TARBP2: variants seen among roughly 807,000 people sequenced by gnomAD.
TARBP2 encodes the protein RISC-loading complex subunit TARBP2.
TARBP2 carries 23 observed loss-of-function variants against 40.4 expected under a neutral mutation model. That is an observed-to-expected ratio of 0.57 (90% CI 0.41 to 0.81). The LOEUF is 0.81. Ranked by LOEUF, TARBP2 falls within the 30% of genes least tolerant of loss-of-function variation. The pLI, the probability that TARBP2 is intolerant of heterozygous loss-of-function variation, is 0.00. For synonymous variants in TARBP2, 183 were observed against 190.5 expected, an observed-to-expected ratio of 0.96 and a Z score of 0.32; for missense variants, 358 against 473.7, an observed-to-expected ratio of 0.76 and a Z score of 2.27.
chr12:53,502,362 C>T (rs1219353929), intron 2 of TARBP2, 178 bp downstream of exon 2: 4 of 806,586 alleles, frequency 5.0e-6, no homozygotes, highest in Non-Finnish European at 5.7e-6. Flanking sequence ...GTGGGTAGGA[C>T]GTGGGAGAGT....
rs766053638 is a variant in TARBP2, at chr12:53,506,166, T to G, written c.*18T>G. 6.2e-7 allele frequency: 1 copy of G among 1,611,892 alleles called. No homozygotes were observed. The highest frequency in any genetic ancestry group is 8.5e-7 in the Non-Finnish European group (1 of 1,179,110). On this transcript the variant is annotated 3_prime_UTR_variant, in exon 9 of 9. Coordinates refer to ENST00000266987, the MANE Select transcript of TARBP2 (RefSeq NM_134323.2). Reference sequence around the variant, plus strand: ...GCAAGTGAAGCCCCAGCTGGACTCATGGATGTGCACCCTTTGCTCCCTGCT... The same window carrying G: ...GCAAGTGAAGCCCCAGCTGGACTCAGGGATGTGCACCCTTTGCTCCCTGCT...
chr12:53,501,720 G>A (rs1336144588), intron 1 of TARBP2: 2 of 1,431,658 alleles, frequency 1.4e-6, no homozygotes, highest in African/African-American at 1.4e-5. Flanking sequence ...TGGGTACTGG[G>A]TTCCTGGCTT....
At chr12:53,504,588 C>A in intron 5 of TARBP2, 110 bp from the exon 6 acceptor site, 2 of 1,607,252 alleles carry the variant, frequency 1.2e-6, no homozygotes, top group Admixed American at 1.7e-5. Context: ...CTTTCCACCC[C>A]CCTCTCTCCT....
In TARBP2 at chr12:53,504,454, C is replaced by G; in HGVS notation, c.480C>G (p.Pro160=). 1 of 1,613,298 alleles carries G rather than the reference C, an allele frequency of 6.2e-7. No individual in the cohort carries two copies. Among genetic ancestry groups the G allele is most frequent in the Non-Finnish European group, 8.5e-7 (1 of 1,179,586 alleles). Residue 160 remains proline (P), a synonymous_variant, in exon 5 of 9, where the codon CCC becomes CCG. Transcript: ENST00000266987. ...CCCCTCAGCAGTCTGAGTGCAACCC[C>G]GTTGGTGCTCTGCAGGTGTGTCCCA... ...PVSPQQSECN[P]VGALQELVVQ...
chr12:53,504,974 T>TC (rs1943903719), intron 6 of TARBP2, among the ~76,000 whole-genome samples, 159 bp downstream of exon 6: 1 of 152,114 alleles, frequency 6.6e-6, no homozygotes, highest in African/African-American at 2.4e-5. Flanking sequence ...ACCCTATTTG[T>TC]CCCCTTCTCT....
At chr12:53,501,276 A>T (rs1943687458), upstream of TARBP2, 2 of 939,678 alleles carry the variant, frequency 2.1e-6, no homozygotes, top group African/African-American at 1.6e-5. Context: ...GGGGGACTCC[A>T]TATCCCAGCG....
chr12:53,505,039 T>A lies in TARBP2; in HGVS notation c.614-96T>A, dbSNP rs1943907415. 2.6e-6 allele frequency: 4 copies of A among 1,528,368 alleles called. No individual in the cohort carries two copies. In the South Asian group the frequency reaches 3.9e-5, roughly 15 times the overall value. The allele number at this position is 1,528,368 out of a possible 1,614,324, so 94.7% of individuals were successfully genotyped here. A position where few individuals can be genotyped will look rare whatever the true frequency, so the allele number is the denominator to read the frequency against. On this transcript the variant is annotated intron_variant, in intron 6 of 8. Transcript: ENST00000266987. This position sits in a 1 kb window ranked among gnomAD's most constrained non-coding sequence, Gnocchi z 4.5. ...CAGGTCTTGAGTTCCCCTTTCCAGT[T>A]GACATTCTGGGGGGACCCTCAATCC...
chr12:53,504,548 G>T, intron 5 of TARBP2, 79 bp downstream of exon 5: 1 of 1,602,914 alleles, frequency 6.2e-7, no homozygotes, highest in South Asian at 1.1e-5. Context: ...TGTGTGTTTG[G>T]GGGTGGGGGC....
intron 3 of TARBP2, 64 bp downstream of exon 3, chr12:53,503,193 C>G: frequency 1.3e-6 from 2 of 1,483,696 alleles, no homozygotes; most frequent in South Asian, 2.7e-5. Flanking sequence ...ACCACCCACT[C>G]TGCCCCGAGG....
chr12:53,505,009 A>C lies in TARBP2; in HGVS notation c.614-126A>C. The C allele has an allele frequency of 4.7e-6, 7 of 1,496,582 alleles. No homozygotes were observed. Among genetic ancestry groups the C allele is most frequent in the Non-Finnish European group, 6.3e-6 (7 of 1,107,140 alleles). The allele number at this position is 1,496,582 out of a possible 1,614,324, so 92.7% of individuals were successfully genotyped here. On this transcript the variant is annotated intron_variant, in intron 6 of 8. Coordinates refer to ENST00000266987, the MANE Select transcript of TARBP2 (RefSeq NM_134323.2). The surrounding 1 kb of genome is among the most constrained non-coding windows in gnomAD (Gnocchi z 4.5). ...TCTGGCTGACCAGGTTCTCACGTGCATGGGCAGGTCTTGAGTTCCCCTTTC... is the reference window on the plus strand; with the variant it reads ...TCTGGCTGACCAGGTTCTCACGTGCCTGGGCAGGTCTTGAGTTCCCCTTTC...
rs1374613908 is a variant in TARBP2, at chr12:53,505,965, C to G, written c.944-26C>G. On this transcript the variant is annotated intron_variant, in intron 8 of 8. Transcript: ENST00000266987. This position sits in a 1 kb window ranked among gnomAD's most constrained non-coding sequence, Gnocchi z 4.5. ...CCCAGGGCTACCTCCCCCAACATTGCCTCCCTCCTCTCTCTTGCTCTCCAG... is the reference window on the plus strand; with the variant it reads ...CCCAGGGCTACCTCCCCCAACATTGGCTCCCTCCTCTCTCTTGCTCTCCAG... 1.9e-6 allele frequency: 3 copies of G among 1,608,432 alleles called. No homozygotes were observed. In the African/African-American group the frequency reaches 4.0e-5, roughly 21 times the overall value.
intron 1 of TARBP2, 174 bp from the exon 2 acceptor site, chr12:53,501,841 G>C (rs1219483244): frequency 4.6e-6 from 6 of 1,313,082 alleles, no homozygotes; most frequent in Non-Finnish European, 6.1e-6. Context: ...GGGGTAGTGG[G>C]CCCTACTTTT....
In TARBP2 at chr12:53,504,441, C is replaced by T; in HGVS notation, c.467C>T (p.Ser156Phe). The change falls in exon 5 of 9, where the codon TCT becomes TTT. Residue 156 changes from serine (S) to phenylalanine (F), a missense_variant. Transcript: ENST00000266987. ...CAGCCCCCTGTCTCCCCTCAGCAGT[C>T]TGAGTGCAACCCCGTTGGTGCTCTG... ...ELQPPVSPQQ[S>F]ECNPVGALQE... The T allele has an allele frequency of 6.2e-7, 1 of 1,613,212 alleles. No individual in the cohort carries two copies. The highest frequency in any genetic ancestry group is 8.5e-7 in the Non-Finnish European group (1 of 1,179,532).
At position 53,505,960 on chromosome 12, in the gene TARBP2, C is replaced by T. The variant is rs759968388; in HGVS notation, c.944-31C>T. On this transcript the variant is annotated intron_variant, in intron 8 of 8. Transcript: ENST00000266987. The surrounding 1 kb of genome is among the most constrained non-coding windows in gnomAD (Gnocchi z 4.5). Reference sequence around the variant, plus strand: ...CCCTCCCCAGGGCTACCTCCCCCAACATTGCCTCCCTCCTCTCTCTTGCTC... The same window carrying T: ...CCCTCCCCAGGGCTACCTCCCCCAATATTGCCTCCCTCCTCTCTCTTGCTC... 1.2e-6 allele frequency: 2 copies of T among 1,607,520 alleles called. No individual in the cohort carries two copies. Among genetic ancestry groups the T allele is most frequent in the Non-Finnish European group, 8.5e-7 (1 of 1,174,786 alleles).
chr12:53,501,332 G>C lies in TARBP2; in HGVS notation c.-77G>C, dbSNP rs1044223576. On this transcript the variant is annotated 5_prime_UTR_variant, in exon 1 of 9. Coordinates refer to ENST00000266987, the MANE Select transcript of TARBP2 (RefSeq NM_134323.2). ...CGGCCGCGACTCCGGGCTTGGCCCC[G>C]GCCCTAGCTCGTCGGCTGTGTATTG... The C allele has an allele frequency of 1.1e-5, 16 of 1,518,972 alleles. No individual in the cohort carries two copies. Among genetic ancestry groups the C allele is most frequent in the Admixed American group, 8.1e-5 (4 of 49,592 alleles). 94.1% of individuals were successfully genotyped at this position (1,518,972 alleles called of 1,614,324 possible).
In TARBP2 at chr12:53,505,324, G is replaced by A. The variant is rs1482716063; in HGVS notation, c.741+62G>A. On this transcript the variant is annotated intron_variant, in intron 7 of 8. Transcript: ENST00000266987. The surrounding 1 kb of genome is among the most constrained non-coding windows in gnomAD (Gnocchi z 4.5). The stretch of plus-strand genomic sequence containing the variant: ...CCTCCATGCCAGGGCAGGGCTCCAG[G>A]GACTTGGGTCTGTGACTCAGCAGTG... 7 of 1,531,952 alleles carry A rather than the reference G, an allele frequency of 4.6e-6. No individual in the cohort carries two copies. The highest frequency in any genetic ancestry group is 6.2e-6 in the Non-Finnish European group (7 of 1,135,702). The allele number at this position is 1,531,952 out of a possible 1,614,324, so 94.9% of individuals were successfully genotyped here.
intron 1 of TARBP2, 86 bp from the exon 2 acceptor site, chr12:53,501,929 A>G: frequency 6.5e-7 from 1 of 1,548,056 alleles, no homozygotes; most frequent in Non-Finnish European, 8.8e-7. Flanking sequence ...TGTCCCCCAT[A>G]ATGTGCCTAG....
intron 5 of TARBP2, 68 bp downstream of exon 5, chr12:53,504,537 A>G (rs904888203): frequency 4.4e-6 from 7 of 1,598,168 alleles, no homozygotes; most frequent in Non-Finnish European, 6.0e-6. Flanking sequence ...AGGGAAGGCT[A>G]TGTGTGTTTG....
Position 53,506,128 on chromosome 12 carries a change from A to T in TARBP2, c.1081A>T (p.Ile361Phe). 1 of 1,613,800 alleles carries T rather than the reference A, an allele frequency of 6.2e-7. No homozygotes were observed. Among genetic ancestry groups the T allele is most frequent in the Non-Finnish European group, 8.5e-7 (1 of 1,179,924 alleles). The change falls in exon 9 of 9, where the codon ATC (isoleucine) becomes TTC (phenylalanine). Residue 361 changes from isoleucine to phenylalanine, a missense_variant. Ile to Phe is a conservative substitution (Grantham distance 21). This residue lies in a region of TARBP2 where 317 missense variants were observed against 422.9 expected (regional missense o/e 0.75). Coordinates refer to ENST00000266987, the MANE Select transcript of TARBP2 (RefSeq NM_134323.2). ...CCGCCGTGCCCTGCAGTACCTCAAGATCATGGCAGGCAGCAAGTGAAGCCC... is the reference window on the plus strand; with the variant it reads ...CCGCCGTGCCCTGCAGTACCTCAAGTTCATGGCAGGCAGCAAGTGAAGCCC... The part of the protein sequence containing the change: ...AARRALQYLK[I>F]MAGSK
Sources: allele counts gnomAD v4.1 joint callset (sites outside exome capture counted in the v4.1 genomes callset), GRCh38; gene constraint gnomAD v4.1.1; regional missense constraint gnomAD v4.1.1; non-coding constraint Gnocchi (gnomAD v3.1); transcripts MANE v1.5; gene names NCBI Gene and HGNC (gene_info 2026-07-23, HGNC 2026-07-21).